Variants in QTMAN observed in about 807,000 individuals in gnomAD.
QTMAN encodes queuosine-tRNA mannosyltransferase.
At chr2:144,226,102 T>C in the QTMAN span, among the ~76,000 whole-genome samples, 296 of 152,344 alleles carry the variant, frequency 1.9e-3, no homozygotes, top group Non-Finnish European at 3.7e-3. Flanking sequence ...GGTATTACTA[T>C]GGTATTCAGA....
the QTMAN span, among the ~76,000 whole-genome samples, chr2:144,209,926 A>G: frequency 2.4e-4 from 36 of 152,270 alleles, no homozygotes; most frequent in African/African-American, 8.7e-4. Context: ...TTCTTCACTA[A>G]TAAAACTACA....
chr2:143,951,304 C>T, the QTMAN span, among the ~76,000 whole-genome samples: 1 of 151,472 alleles, frequency 6.6e-6, no homozygotes, highest in African/African-American at 2.4e-5. Context: ...ATTACTTAGA[C>T]TTTTAGTAGG....
At chr2:144,165,452 T>C in the QTMAN span, among the ~76,000 whole-genome samples, 1 of 152,116 alleles carries the variant, frequency 6.6e-6, no homozygotes, top group Non-Finnish European at 1.5e-5. Context: ...TTTTGGTTCT[T>C]GGGTCAAGTT....
chr2:144,036,897 T>C, the QTMAN span, among the ~76,000 whole-genome samples: 3 of 152,148 alleles, frequency 2.0e-5, no homozygotes, highest in African/African-American at 7.2e-5. Flanking sequence ...GATAAATGAA[T>C]AAACCAATTG....
the QTMAN span, among the ~76,000 whole-genome samples, chr2:144,099,148 G>C: frequency 6.6e-6 from 1 of 152,274 alleles, no homozygotes; most frequent in South Asian, 2.1e-4. Context: ...TAATTTAAAA[G>C]CTTCCCCTAT....
the QTMAN span, among the ~76,000 whole-genome samples, chr2:144,064,019 A>G: frequency 2.0e-5 from 3 of 152,224 alleles, no homozygotes; most frequent in African/African-American, 4.8e-5. Flanking sequence ...ATAATTTTTC[A>G]TTACTAATTC....
At chr2:144,271,174 T>C in the QTMAN span, among the ~76,000 whole-genome samples, 7 of 152,232 alleles carry the variant, frequency 4.6e-5, no homozygotes, top group Non-Finnish European at 1.0e-4. Flanking sequence ...TAAAGATTTC[T>C]TTATGTTTTT....
the QTMAN span, among the ~76,000 whole-genome samples, chr2:143,990,181 T>C: frequency 2.6e-5 from 4 of 152,148 alleles, no homozygotes; most frequent in Admixed American, 2.6e-4. Flanking sequence ...TTCTCAATCC[T>C]GGCTGCACAG....
the QTMAN span, among the ~76,000 whole-genome samples, chr2:144,254,405 G>C: frequency 6.6e-6 from 1 of 152,144 alleles, no homozygotes; most frequent in African/African-American, 2.4e-5. Flanking sequence ...CTGGGTGACA[G>C]GGTGAGACTC....
At chr2:144,209,377 A>G in the QTMAN span, among the ~76,000 whole-genome samples, 3 of 152,382 alleles carry the variant, frequency 2.0e-5, no homozygotes, top group South Asian at 6.2e-4. Context: ...ACCAAATGCA[A>G]ATCTCTATTT....
the QTMAN span, chr2:144,179,026 A>T: frequency 8.7e-6 from 4 of 459,470 alleles, no homozygotes; most frequent in African/African-American, 4.1e-5. Context: ...TATTTAAATT[A>T]TTACGGCTAG....
the QTMAN span, among the ~76,000 whole-genome samples, chr2:144,058,697 A>C: frequency 1.3e-5 from 2 of 152,150 alleles, no homozygotes; most frequent in Non-Finnish European, 2.9e-5. Flanking sequence ...GGACGCTCCA[A>C]ACTCCTAGTT....
the QTMAN span, chr2:143,939,347 A>T: frequency 2.6e-5 from 4 of 152,204 alleles, no homozygotes; most frequent in Admixed American, 2.6e-4. Context: ...GTAGGTTTTT[A>T]AATGCCAGAG....
chr2:144,109,462 A>T, the QTMAN span, among the ~76,000 whole-genome samples: 3 of 152,312 alleles, frequency 2.0e-5, no homozygotes, highest in South Asian at 4.1e-4. Context: ...AACCTAGGCA[A>T]TACCATTCAG....
the QTMAN span, chr2:144,145,680 A>G: frequency 6.2e-7 from 1 of 1,611,842 alleles, no homozygotes; most frequent in Non-Finnish European, 8.5e-7. Flanking sequence ...CAGTTTCCCA[A>G]GGTCAGGCCG....
the QTMAN span, among the ~76,000 whole-genome samples, chr2:144,043,254 T>TG: frequency 1.3e-5 from 2 of 151,558 alleles, no homozygotes; most frequent in East Asian, 3.9e-4. Context: ...TGTGTGTGTG[T>TG]TTAACCAAGT....
At chr2:144,133,497 T>A in the QTMAN span, among the ~76,000 whole-genome samples, 1 of 81,860 alleles carries the variant, frequency 1.2e-5, no homozygotes, top group Non-Finnish European at 2.2e-5. Context: ...ATATATATTA[T>A]ATAATATATA....
chr2:144,028,167 A>T, the QTMAN span, among the ~76,000 whole-genome samples: 1 of 152,216 alleles, frequency 6.6e-6, no homozygotes, highest in Admixed American at 6.5e-5. Context: ...TAACAGAGCA[A>T]CCACACCACT....
chr2:144,280,160 G>C, the QTMAN span, among the ~76,000 whole-genome samples: 11 of 152,166 alleles, frequency 7.2e-5, no homozygotes. Flanking sequence ...ATTTCTAGAT[G>C]ATGATACTGA....
Sources: gnomAD v4.1 joint callset for allele counts (sites outside exome capture counted in the v4.1 genomes callset) on GRCh38, gnomAD v4.1.1 for gene constraint, MANE v1.5 for transcripts, NCBI Gene and HGNC (gene_info 2026-07-23, HGNC 2026-07-21) for gene names.